Variants in TGIF1 observed in about 807,000 individuals in gnomAD.
The protein encoded by TGIF1 is homeobox protein TGIF1.
TGIF1 carries 4 observed loss-of-function variants against 19.3 expected under a neutral mutation model. That is an observed-to-expected ratio of 0.21 (90% CI 0.10 to 0.47). TGIF1 has a LOEUF of 0.47. Among genes scored for constraint, TGIF1 ranks in the 20% least tolerant of loss-of-function variants. The pLI, the probability that TGIF1 is intolerant of heterozygous loss-of-function variation, is 0.98. For missense variants in TGIF1, 275 were observed against 341.4 expected (o/e 0.81, Z 1.53); for synonymous variants, 122 against 129.3 (o/e 0.94, Z 0.38).
rs2082937006 is a variant in TGIF1 at position 3,451,618 on chromosome 18, C to T, written c.16+1113C>T. 9.2e-7 allele frequency: 1 copy of T among 1,082,112 alleles called. No homozygotes were observed. The highest frequency in any genetic ancestry group is 1.1e-6 in the Non-Finnish European group (1 of 893,142). The allele number at this position is 1,082,112 out of a possible 1,614,324, so 67.0% of individuals were successfully genotyped here. The stretch of plus-strand genomic sequence containing the variant: ...ACATTCTTTCAGACCCGGCCCGCTG[C>T]GGGGCGTTCCTGGGGGGTAGCCTCA... On this transcript the variant is annotated intron_variant, in intron 1 of 2. Coordinates refer to ENST00000343820, the MANE Select transcript of TGIF1 (RefSeq NM_003244.4). The surrounding 1 kb of genome is among the most constrained non-coding windows in gnomAD (Gnocchi z 5.4).
chr18:3,445,765 C>CAAAAAAAAAAAAAAA (rs755240649), upstream of TGIF1, among the ~76,000 whole-genome samples: 2 of 35,840 alleles, frequency 5.6e-5, no homozygotes, highest in Non-Finnish European at 4.4e-5. Context: ...AGAAGAAAAG[C>CAAAAAAAAAAAAAAA]AAAAAAAAAA....
intron 1 of TGIF1, chr18:3,453,681 T>G (rs113373706): frequency 0.02 from 9,504 of 477,326 alleles, 624 homozygotes; most frequent in African/African-American, 0.18. Flanking sequence ...AGCGAAACTC[T>G]GTCTCAAAAA....
intron 2 of TGIF1, among the ~76,000 whole-genome samples, chr18:3,437,100 A>T (rs1198224400): frequency 6.6e-6 from 1 of 152,102 alleles, no homozygotes; most frequent in Non-Finnish European, 1.5e-5. Flanking sequence ...GCAGGACTCC[A>T]TCTCAAAAAT....
At position 3,456,796 on chromosome 18, in the gene TGIF1, C is replaced by G; in HGVS notation, c.243+216C>G. 1.5e-6 allele frequency: 1 copy of G among 656,742 alleles called. No individual in the cohort carries two copies. The highest frequency in any genetic ancestry group is 2.7e-5 in the East Asian group (1 of 36,938). The allele number at this position is 656,742 out of a possible 1,614,324, so 40.7% of individuals were successfully genotyped here. A position where few individuals can be genotyped will look rare whatever the true frequency, so the allele number is the denominator to read the frequency against. On this transcript the variant is annotated intron_variant, in intron 2 of 2. Transcript: ENST00000343820. This position sits in a 1 kb window ranked among gnomAD's most constrained non-coding sequence, Gnocchi z 4.2. ...CTATCAGATAGCATTTCCTTTAATG[C>G]CTAAAAGAACCTTCCTTTATGCAAC...
intron 2 of TGIF1, among the ~76,000 whole-genome samples, chr18:3,428,333 G>T (rs533381284): frequency 3.9e-5 from 6 of 152,330 alleles, no homozygotes; most frequent in African/African-American, 1.4e-4. Flanking sequence ...ATATGATGGT[G>T]ATCTTGTGCA....
chr18:3,420,808 A>G (rs7234567), intron 2 of TGIF1, among the ~76,000 whole-genome samples: 123,099 of 152,222 alleles, frequency 0.81, 50,262 homozygotes, highest in African/African-American at 0.92. Flanking sequence ...AAATATCAAT[A>G]TTTATGTATT....
intron 2 of TGIF1, among the ~76,000 whole-genome samples, chr18:3,436,543 G>T (rs1227775159): frequency 6.6e-6 from 1 of 152,222 alleles, no homozygotes; most frequent in African/African-American, 2.4e-5. Context: ...ATGTAGCCGG[G>T]CATGGTGGCT....
chr18:3,417,816 T>A (rs1568026672), intron 1 of TGIF1, among the ~76,000 whole-genome samples: 1 of 152,168 alleles, frequency 6.6e-6, no homozygotes, highest in Non-Finnish European at 1.5e-5. Flanking sequence ...ACGGTTATTC[T>A]GGCCGGGTGC....
At chr18:3,455,554 A>G (rs1177473425) in intron 1 of TGIF1, 1 of 152,402 alleles carries the variant, frequency 6.6e-6, no homozygotes, top group Non-Finnish European at 1.5e-5. Context: ...GCTGAAATTT[A>G]GGAGACATTT....
Position 3,459,958 on chromosome 18 carries a change from CTT to C in TGIF1, c.*2022_*2023del, listed in dbSNP as rs1205517821. 2 of 152,080 alleles carry C rather than the reference CTT, an allele frequency of 1.3e-5. No individual in the cohort carries two copies. The highest frequency in any genetic ancestry group is 2.4e-5 in the African/African-American group (1 of 41,420). The allele number at this position is 152,080 out of a possible 1,614,324, so 9.4% of individuals were successfully genotyped here. On this transcript the variant is annotated 3_prime_UTR_variant, in exon 3 of 3. Transcript: ENST00000343820. ...TTATAATTTACATGGTGCAATATAT[CTT>C]TTTAATTTGTTTACTTTTCACCTAT...
At chr18:3,445,684 A>G (rs75689626), upstream of TGIF1, among the ~76,000 whole-genome samples, 2 of 130,000 alleles carry the variant, frequency 1.5e-5, no homozygotes, top group Non-Finnish European at 3.1e-5. Flanking sequence ...AGATTGCGCC[A>G]CTGCACTCCA....
chr18:3,446,338 C>T (rs910017326), upstream of TGIF1, among the ~76,000 whole-genome samples: 1 of 152,276 alleles, frequency 6.6e-6, no homozygotes, highest in East Asian at 1.9e-4. Flanking sequence ...CACACGCCAC[C>T]ACGCCCGGCT....
At chr18:3,446,601 A>T (rs2082750682), upstream of TGIF1, among the ~76,000 whole-genome samples, 1 of 152,210 alleles carries the variant, frequency 6.6e-6, no homozygotes, top group African/African-American at 2.4e-5. Flanking sequence ...AAAAGTGACT[A>T]AAAACAAAAG....
At chr18:3,450,141 A>G, upstream of TGIF1, 1 of 1,125,430 alleles carries the variant, frequency 8.9e-7, no homozygotes, top group Non-Finnish European at 1.1e-6. Context: ...CGGAGGCAGG[A>G]CCTCCTGTAC....
intron 1 of TGIF1, among the ~76,000 whole-genome samples, chr18:3,454,140 A>G (rs1206851618): frequency 1.3e-5 from 2 of 152,234 alleles, no homozygotes; most frequent in African/African-American, 2.4e-5. Flanking sequence ...GAGGTCTGGC[A>G]TTCATTTATT....
upstream of TGIF1, among the ~76,000 whole-genome samples, chr18:3,449,188 G>A (rs1236812488): frequency 6.6e-6 from 1 of 152,156 alleles, no homozygotes; most frequent in Non-Finnish European, 1.5e-5. Context: ...AGGAACGGGT[G>A]TTTACTTAAT....
chr18:3,425,332 C>T (rs1198434110), intron 2 of TGIF1, among the ~76,000 whole-genome samples: 1 of 152,206 alleles, frequency 6.6e-6, no homozygotes, highest in African/African-American at 2.4e-5. Context: ...GTGATGATAG[C>T]CCTTTCCAAA....
intron 1 of TGIF1, among the ~76,000 whole-genome samples, chr18:3,414,961 C>T (rs576773025): frequency 1.4e-4 from 21 of 152,332 alleles, no homozygotes; most frequent in African/African-American, 4.8e-4. Context: ...CTTTTCTACA[C>T]TACACTTCTA....
intron 2 of TGIF1, among the ~76,000 whole-genome samples, chr18:3,434,117 C>T (rs748909117): frequency 2.0e-5 from 3 of 152,152 alleles, no homozygotes; most frequent in Admixed American, 6.5e-5. Flanking sequence ...GGGCCAGGTG[C>T]GCTGGCTCAT....
Sources: gnomAD v4.1 joint callset for allele counts (sites outside exome capture counted in the v4.1 genomes callset) on GRCh38, gnomAD v4.1.1 for gene constraint, Gnocchi (gnomAD v3.1) non-coding constraint, MANE v1.5 for transcripts, NCBI Gene and HGNC (gene_info 2026-07-23, HGNC 2026-07-21) for gene names.